Variants in NCOR1 observed in about 807,000 individuals in gnomAD.
NCOR1 encodes the protein nuclear receptor corepressor 1.
In NCOR1, 63 loss-of-function variants were observed where a neutral mutation model predicts 288.1. The ratio of observed to expected loss-of-function variants is 0.22; its 90% confidence interval spans 0.18 to 0.27. NCOR1 has a LOEUF of 0.27. Among genes scored for constraint, NCOR1 ranks in the 10% least tolerant of loss-of-function variants. The pLI is 1.00. For synonymous variants in NCOR1, 1,007 were observed against 1,065.9 expected, an observed-to-expected ratio of 0.94 and a Z score of 1.08; for missense variants, 2,397 against 3,019.2, an observed-to-expected ratio of 0.79 and a Z score of 4.83.
chr17:16,140,755 A>G (rs2077029804), intron 11 of NCOR1, among the ~76,000 whole-genome samples: 1 of 152,178 alleles, frequency 6.6e-6, no homozygotes, highest in African/African-American at 2.4e-5. Flanking sequence ...CGGAGGTTGC[A>G]GTGAGCCAAG....
chr17:16,088,186 T>C (rs2064554160), intron 22 of NCOR1, among the ~76,000 whole-genome samples: 1 of 152,104 alleles, frequency 6.6e-6, no homozygotes, highest in African/African-American at 2.4e-5. Flanking sequence ...GAGTACTTCC[T>C]CTCAAAACAA....
Position 16,181,987 on chromosome 17 carries a change from C to G in NCOR1, c.242+4567G>C, listed in dbSNP as rs114163714. Among the ~76,000 whole-genome samples the G allele has an allele frequency of 6.6e-3, 994 of 151,418 alleles. 14 individuals are homozygous for G. Among genetic ancestry groups the G allele is most frequent in the African/African-American group, 0.023 (959 of 41,270 alleles). Reference sequence around the variant, plus strand: ...GGTTTCTAATTCTTTACTTTTGTATCAAAGGAGAAACTATTTTTTAGCTGA... The same window carrying G: ...GGTTTCTAATTCTTTACTTTTGTATGAAAGGAGAAACTATTTTTTAGCTGA... On this transcript the variant is annotated intron_variant, in intron 3 of 45. Coordinates refer to ENST00000268712, the MANE Select transcript of NCOR1 (RefSeq NM_006311.4).
intron 37 of NCOR1, among the ~76,000 whole-genome samples, chr17:16,060,690 T>G (rs2060458118): frequency 6.6e-6 from 1 of 152,154 alleles, no homozygotes. Context: ...GATGTCTAAC[T>G]CTACTGAATT....
Position 16,065,573 on chromosome 17 carries a change from T to C in NCOR1, c.4863A>G (p.Gln1621=), listed in dbSNP as rs7210057. Residue 1621 remains glutamine, a synonymous_variant, in exon 33 of 46, where the codon CAA becomes CAG. Transcript: ENST00000268712. ...QTILNDYITS[Q]QMQVNLRPDV... is the part of the protein sequence containing the mutation. Reference sequence around the variant, plus strand: ...CTGGACGCAAGTTCACTTGCATCTGTTGTGAGGTAATGTAATCATTTAAGA... The same window carrying C: ...CTGGACGCAAGTTCACTTGCATCTGCTGTGAGGTAATGTAATCATTTAAGA... 5,094 of 1,614,160 alleles carry C rather than the reference T, an allele frequency of 3.2e-3. 123 individuals are homozygous for C. In the African/African-American group the frequency reaches 0.057, roughly 18 times the overall value.
chr17:16,039,874 T>C (rs1597655993), intron 43 of NCOR1: 3 of 485,190 alleles, frequency 6.2e-6, no homozygotes, highest in African/African-American at 3.9e-5. Flanking sequence ...CACTGCAACC[T>C]CCGCCTCCCA....
At chr17:16,160,166 C>T (rs1370311188) in intron 5 of NCOR1, among the ~76,000 whole-genome samples, 1 of 152,102 alleles carries the variant, frequency 6.6e-6, no homozygotes, top group Non-Finnish European at 1.5e-5. Flanking sequence ...ACCTAAACTA[C>T]TCATAAATAA....
At chr17:16,092,647 T>TTATTCATATATATA in intron 21 of NCOR1, among the ~76,000 whole-genome samples, 1 of 32,132 alleles carries the variant, frequency 3.1e-5, no homozygotes, top group East Asian at 1.1e-3. Context: ...TCAGATCCAT[T>TTATTCATATATATA]TATATATATA....
chr17:16,197,346 A>C (rs1237428116), intron 1 of NCOR1, among the ~76,000 whole-genome samples: 1 of 152,026 alleles, frequency 6.6e-6, no homozygotes, highest in Non-Finnish European at 1.5e-5. Context: ...AACTTTAAAA[A>C]CTATGTGGTA....
At chr17:16,044,345 G>T in intron 42 of NCOR1, 28 of 460,782 alleles carry the variant, frequency 6.1e-5, no homozygotes, top group Admixed American at 2.0e-4. Context: ...TTTTTTCCTT[G>T]GTGTTCAACA....
At chr17:16,048,004 G>C (rs1250895737) in intron 41 of NCOR1, among the ~76,000 whole-genome samples, 1 of 152,164 alleles carries the variant, frequency 6.6e-6, no homozygotes, top group Non-Finnish European at 1.5e-5. Context: ...AGCAATATCT[G>C]TTTAGCTCCC....
intron 36 of NCOR1, 100 bp from the exon 37 acceptor site, chr17:16,061,994 C>T (rs1285575429): frequency 2.6e-6 from 4 of 1,567,316 alleles, no homozygotes; most frequent in Admixed American, 2.1e-5. Flanking sequence ...ACAAAAAAAG[C>T]CTTCATGGCA....
At chr17:16,038,435 CTTTTTTT>C in intron 44 of NCOR1, among the ~76,000 whole-genome samples, 1 of 149,440 alleles carries the variant, frequency 6.7e-6, no homozygotes, top group South Asian at 2.1e-4. Context: ...TTTTCCTACT[CTTTTTTT>C]TTTTCCTTTT....
At chr17:16,069,645 C>G (rs1303308282) in intron 31 of NCOR1, among the ~76,000 whole-genome samples, 1 of 152,184 alleles carries the variant, frequency 6.6e-6, no homozygotes, top group African/African-American at 2.4e-5. Context: ...CGGCACCATT[C>G]TAAGTTCTTT....
At chr17:16,041,859 C>A (rs917961642) in intron 42 of NCOR1, among the ~76,000 whole-genome samples, 3 of 152,108 alleles carry the variant, frequency 2.0e-5, no homozygotes, top group African/African-American at 7.2e-5. Context: ...GCCTCAGCCC[C>A]CCGAGTGGCT....
intron 2 of NCOR1, among the ~76,000 whole-genome samples, chr17:16,192,752 C>T (rs1348074305): frequency 1.3e-5 from 2 of 152,168 alleles, no homozygotes; most frequent in Non-Finnish European, 2.9e-5. Context: ...TAATAATTTA[C>T]ATACAACAAA....
intron 3 of NCOR1, among the ~76,000 whole-genome samples, chr17:16,177,795 A>C (rs2084529523): frequency 6.6e-6 from 1 of 152,196 alleles, no homozygotes; most frequent in Non-Finnish European, 1.5e-5. Context: ...GGGAATTCTC[A>C]AGCAAACCAT....
At chr17:16,046,880 G>A (rs1397010185) in intron 42 of NCOR1, 71 bp downstream of exon 42, 1 of 1,548,736 alleles carries the variant, frequency 6.5e-7, no homozygotes, top group African/African-American at 1.4e-5. Flanking sequence ...AGCATTACAG[G>A]AGAGGCAACA....
rs777268103 is a variant in NCOR1 at position 16,086,403 on chromosome 17, G to A, written c.3056C>T (p.Pro1019Leu). ...AGTTGTCGGAAGCCGAACGCCTTCA[G>A]GGAGATTAGTTATCACTTGATGTGG... is the stretch of plus-strand genomic sequence containing the variant. Reference protein sequence around the residue: ...PAPHQVITNLPEGVRLPTTRP... With the variant: ...PAPHQVITNLLEGVRLPTTRP... Residue 1019 changes from proline (P) to leucine (L), a missense_variant, in exon 23 of 46, where the codon CCT (proline) becomes CTT (leucine). Pro to Leu is a moderately conservative substitution (Grantham distance 98). Transcript: ENST00000268712. The A allele has an allele frequency of 1.2e-6, 2 of 1,614,100 alleles. No homozygotes were observed. Among genetic ancestry groups the A allele is most frequent in the Non-Finnish European group, 1.7e-6 (2 of 1,180,000 alleles).
chr17:16,092,693 ATATTTTTTTTT>A (rs1338555290), intron 21 of NCOR1, among the ~76,000 whole-genome samples: 19 of 12,766 alleles, frequency 1.5e-3, no homozygotes, highest in Non-Finnish European at 2.0e-3. Context: ...ATATATATAT[ATATTTTTTTTT>A]TTTTTTTTTT....
Sources: allele counts gnomAD v4.1 joint callset (sites outside exome capture counted in the v4.1 genomes callset), GRCh38; gene constraint gnomAD v4.1.1; transcripts MANE v1.5; gene names NCBI Gene and HGNC (gene_info 2026-07-23, HGNC 2026-07-21).